Variants in VAV2 observed in about 807,000 individuals in gnomAD.
The protein encoded by VAV2 is vav guanine nucleotide exchange factor 2.
In VAV2, 67 loss-of-function variants were observed where a neutral mutation model predicts 132.5. The observed-to-expected ratio is 0.51, with a 90% confidence interval of 0.42 to 0.62. The LOEUF is 0.62. Among genes scored for constraint, VAV2 ranks in the 20% least tolerant of loss-of-function variants. The probability of loss-of-function intolerance (pLI) is 0.00; values close to 1 mark genes in which losing one functional copy is unlikely to be tolerated. For missense variants in VAV2, 938 were observed against 1,153.6 expected (o/e 0.81, Z 2.71); for synonymous variants, 492 against 443.5 (o/e 1.11, Z -1.37).
rs1006360833 is a variant in VAV2, at chr9:133,961,411, G to A, written c.205-22192C>T. ...AACTGGTCAGGCTTCTGATGGGAAC[G>A]GAGGTTGGGAACACCAGCATCTGGG... On this transcript the variant is annotated intron_variant, in intron 1 of 29. Coordinates refer to ENST00000371850, the MANE Select transcript of VAV2 (RefSeq NM_001134398.2). The surrounding 1 kb of genome is among the most constrained non-coding windows in gnomAD (Gnocchi z 4.1). Among the ~76,000 whole-genome samples the A allele has an allele frequency of 2.0e-5, 3 of 152,206 alleles. No individual in the cohort carries two copies. The highest frequency in any genetic ancestry group is 1.3e-4 in the Admixed American group (2 of 15,294).
At chr9:133,815,933 G>T (rs1253858379) in intron 4 of VAV2, among the ~76,000 whole-genome samples, 2 of 152,152 alleles carry the variant, frequency 1.3e-5, no homozygotes, top group Admixed American at 6.5e-5. Context: ...TTTCTAAAGT[G>T]GGTGCATTCT....
intron 1 of VAV2, among the ~76,000 whole-genome samples, chr9:133,941,341 G>A (rs1027650523): frequency 1.3e-5 from 2 of 151,794 alleles, no homozygotes; most frequent in African/African-American, 4.8e-5. Context: ...TCAGGAAGCG[G>A]AGGTTGCAGT....
rs770836273 is a variant in VAV2 at position 133,833,068 on chromosome 9, G to A, written c.449+1204C>T. Among the ~76,000 whole-genome samples, 4 of 152,148 alleles carry A rather than the reference G, an allele frequency of 2.6e-5. No individual in the cohort carries two copies. The highest frequency in any genetic ancestry group is 4.8e-5 in the African/African-American group (2 of 41,440). On this transcript the variant is annotated intron_variant, in intron 4 of 29. Coordinates refer to ENST00000371850, the MANE Select transcript of VAV2 (RefSeq NM_001134398.2). The surrounding 1 kb of genome is among the most constrained non-coding windows in gnomAD (Gnocchi z 5.6). ...GCCAGTGGGATTTGCCAAGGACCCC[G>A]TGGCCAGCCCAGCATCAAAGGGATG...
chr9:133,990,341 T>C (rs535751971), intron 1 of VAV2, among the ~76,000 whole-genome samples: 27 of 152,238 alleles, frequency 1.8e-4, no homozygotes, highest in African/African-American at 6.0e-4. Context: ...GCCTGGCCAA[T>C]GGCTCCAGAG....
intron 1 of VAV2, among the ~76,000 whole-genome samples, chr9:133,988,551 G>C (rs1253139508): frequency 6.6e-6 from 1 of 152,160 alleles, no homozygotes; most frequent in African/African-American, 2.4e-5. Flanking sequence ...AGGTAAGAAA[G>C]GGCAGATGTG....
In VAV2 at chr9:133,789,244, C is replaced by G. The variant is rs45607334; in HGVS notation, c.1274+14G>C. ...GCGGGACGCCACCCAGCCCACAACA[C>G]GCGCCCTGCTCACCTGTCCTGCTTG... On this transcript the variant is annotated intron_variant, in intron 14 of 29. Coordinates refer to ENST00000371850, the MANE Select transcript of VAV2 (RefSeq NM_001134398.2). 5.0e-6 allele frequency: 8 copies of G among 1,613,354 alleles called. No homozygotes were observed. The African/African-American group carries it at 9.3e-5, about 19-fold the overall frequency.
chr9:133,792,225 G>T (rs574885797), intron 12 of VAV2, among the ~76,000 whole-genome samples: 4 of 143,760 alleles, frequency 2.8e-5, no homozygotes, highest in Non-Finnish European at 6.1e-5. Flanking sequence ...GGTTGTGCTG[G>T]TTGGGGTGTG....
At chr9:133,849,453 C>A (rs1463906456) in intron 3 of VAV2, among the ~76,000 whole-genome samples, 1 of 152,198 alleles carries the variant, frequency 6.6e-6, no homozygotes, top group Non-Finnish European at 1.5e-5. Flanking sequence ...CACAGGCAGG[C>A]TAGGCTGAGG....
Position 133,961,968 on chromosome 9 carries a change from T to C in VAV2, c.205-22749A>G, listed in dbSNP as rs1841980129. 6.6e-6 allele frequency among the ~76,000 whole-genome samples: 1 copy of C among 152,150 alleles called. No homozygotes were observed. The highest frequency in any genetic ancestry group is 2.1e-4 in the South Asian group (1 of 4,824). ...CAGCATCATCCCCCATGCCGGGTGC[T>C]GGGGACCCTCTTCCTGAATGGTCCT... On this transcript the variant is annotated intron_variant, in intron 1 of 29. Transcript: ENST00000371850. This position sits in a 1 kb window ranked among gnomAD's most constrained non-coding sequence, Gnocchi z 4.1.
Position 133,919,966 on chromosome 9 carries a change from T to A in VAV2, c.321+19137A>T, listed in dbSNP as rs143344648. Among the ~76,000 whole-genome samples, 55 of 152,208 alleles carry A rather than the reference T, an allele frequency of 3.6e-4. 1 individual carries two copies. In the East Asian group the frequency reaches 0.011, roughly 30 times the overall value. ...GTCCTGCTCTGCCAGGCCCCAGGCA[T>A]CAGTCAGCACCTGTTCTCTGCGCTG... On this transcript the variant is annotated intron_variant, in intron 2 of 29. Coordinates refer to ENST00000371850, the MANE Select transcript of VAV2 (RefSeq NM_001134398.2). The surrounding 1 kb of genome is among the most constrained non-coding windows in gnomAD (Gnocchi z 5.8).
Position 133,788,508 on chromosome 9 carries a change from G to A in VAV2, c.1275-22C>T, listed in dbSNP as rs757403863. The A allele has an allele frequency of 6.2e-7, 1 of 1,601,016 alleles. No homozygotes were observed. Among genetic ancestry groups the A allele is most frequent in the Non-Finnish European group, 8.5e-7 (1 of 1,169,876 alleles). ...GTACCTGGGCCAGGCAGCGCAGCGG[G>A]GGATCAGCACCCCAGCACTGTGTGC... On this transcript the variant is annotated intron_variant, in intron 14 of 29. Transcript: ENST00000371850. This position sits in a 1 kb window ranked among gnomAD's most constrained non-coding sequence, Gnocchi z 5.3.
intron 1 of VAV2, among the ~76,000 whole-genome samples, chr9:133,942,654 C>G (rs1261697343): frequency 6.6e-6 from 1 of 152,256 alleles, no homozygotes; most frequent in African/African-American, 2.4e-5. Context: ...ACACAGATCC[C>G]AACCATAATC....
In VAV2 at chr9:133,812,117, G is replaced by A. The variant is rs149896609; in HGVS notation, c.549C>T (p.Pro183=). The A allele has an allele frequency of 4.6e-4, 744 of 1,613,734 alleles. No homozygotes were observed. Among genetic ancestry groups the A allele is most frequent in the Non-Finnish European group, 5.8e-4 (680 of 1,179,954 alleles). The change falls in exon 5 of 30, where the codon CCC becomes CCT. Residue 183 remains proline, a synonymous_variant. Transcript: ENST00000371850. ...GGAGGAGCGGGGCAGGGCTCACCAT[G>A]GGCTGCTGCACCTCCACCTTGATGA... is the stretch of plus-strand genomic sequence containing the variant. ...EDIIKVEVQQ[P]MIRYMQKMGM...
chr9:133,823,983 G>A lies in VAV2; in HGVS notation c.449+10289C>T, dbSNP rs560726511. Among the ~76,000 whole-genome samples the A allele has an allele frequency of 3.9e-5, 6 of 152,224 alleles. No homozygotes were observed. The East Asian group carries it at 1.2e-3, about 29-fold the overall frequency. ...AACAAACGGCCTCTCCCTCAGTGGTGGGGGTGGGGGAGCAGGGTTTCGAGG... is the reference window on the plus strand; with the variant it reads ...AACAAACGGCCTCTCCCTCAGTGGTAGGGGTGGGGGAGCAGGGTTTCGAGG... On this transcript the variant is annotated intron_variant, in intron 4 of 29. Coordinates refer to ENST00000371850, the MANE Select transcript of VAV2 (RefSeq NM_001134398.2). The surrounding 1 kb of genome is among the most constrained non-coding windows in gnomAD (Gnocchi z 5.5).
chr9:133,914,778 G>A lies in VAV2; in HGVS notation c.321+24325C>T, dbSNP rs1355994617. On this transcript the variant is annotated intron_variant, in intron 2 of 29. Transcript: ENST00000371850. ...AGAGGAGAGGAGGGGAGGAGGGGAC[G>A]GGAGGGGAGAGGAGGAGGAGAGGGG... Among the ~76,000 whole-genome samples the A allele has an allele frequency of 5.7e-3, 672 of 118,620 alleles. 31 individuals carry two copies. Among genetic ancestry groups the A allele is most frequent in the African/African-American group, 0.021 (611 of 28,536 alleles). 77.8% of individuals were successfully genotyped at this position (118,620 alleles called of 152,430 possible).
In VAV2 at chr9:133,964,022, C is replaced by CATATGTACATATATAT. The variant is rs1217468550; in HGVS notation, c.205-24804_205-24803insATATATATGTACATAT. 9.6e-4 allele frequency among the ~76,000 whole-genome samples: 90 copies of CATATGTACATATATAT among 93,848 alleles called. 3 individuals carry two copies. Among genetic ancestry groups the CATATGTACATATATAT allele is most frequent in the African/African-American group, 1.2e-3 (30 of 24,938 alleles). 61.6% of individuals were successfully genotyped at this position (93,848 alleles called of 152,430 possible). On this transcript the variant is annotated intron_variant, in intron 1 of 29. Transcript: ENST00000371850. ...TAAACTTTAAAAAAAATTATTCATT[C>CATATGTACATATATAT]ATATATATATATATATATATATATA... is the stretch of plus-strand genomic sequence containing the variant.
At chr9:133,914,803 GAAGGGAGA>G (rs200049524) in intron 2 of VAV2, among the ~76,000 whole-genome samples, 2 of 134,140 alleles carry the variant, frequency 1.5e-5, no homozygotes, top group African/African-American at 5.5e-5. Flanking sequence ...GAGGAGAGGG[GAAGGGAGA>G]AGGGGAGGGG....
At chr9:133,949,535 G>A (rs564936862) in intron 1 of VAV2, among the ~76,000 whole-genome samples, 2 of 152,340 alleles carry the variant, frequency 1.3e-5, no homozygotes, top group Middle Eastern at 3.4e-3. Context: ...ATGAAAGGAA[G>A]AAATGGCCTT....
At position 133,795,000 on chromosome 9, in the gene VAV2, C is replaced by T. The variant is rs1008340919; in HGVS notation, c.1101+668G>A. ...AGGAGGGTGCACCTGAGCCAACACC[C>T]GGAGCCGGGGAAGTGCAGGGCACGT... On this transcript the variant is annotated intron_variant, in intron 12 of 29. Coordinates refer to ENST00000371850, the MANE Select transcript of VAV2 (RefSeq NM_001134398.2). The surrounding 1 kb of genome is among the most constrained non-coding windows in gnomAD (Gnocchi z 4.6). Among the ~76,000 whole-genome samples the T allele has an allele frequency of 3.9e-5, 6 of 152,208 alleles. No homozygotes were observed. Among genetic ancestry groups the T allele is most frequent in the African/African-American group, 1.4e-4 (6 of 41,448 alleles).
Sources: gnomAD v4.1 joint callset for allele counts (sites outside exome capture counted in the v4.1 genomes callset) on GRCh38, gnomAD v4.1.1 for gene constraint, Gnocchi (gnomAD v3.1) non-coding constraint, MANE v1.5 for transcripts, NCBI Gene and HGNC (gene_info 2026-07-23, HGNC 2026-07-21) for gene names.